Variants in DLC1 observed in about 807,000 individuals in gnomAD.
DLC1 encodes the protein DLC1 Rho GTPase activating protein, also known as rho GTPase-activating protein 7.
In DLC1, 54 loss-of-function variants were observed where a neutral mutation model predicts 140.3. The observed-to-expected ratio is 0.38, with a 90% confidence interval of 0.31 to 0.48. The LOEUF (loss-of-function observed/expected upper bound fraction) is 0.48, where lower values mean the gene tolerates loss of function less well. Ranked by LOEUF, DLC1 falls within the 20% of genes least tolerant of loss-of-function variation. The probability of loss-of-function intolerance (pLI) is 0.96; values close to 1 mark genes in which losing one functional copy is unlikely to be tolerated. For synonymous variants in DLC1, 986 were observed against 728.1 expected, an observed-to-expected ratio of 1.35 and a Z score of -5.70; for missense variants, 2,536 against 1,907.0, an observed-to-expected ratio of 1.33 and a Z score of -6.14.
At chr8:13,146,846 A>T (rs1000230990) in intron 5 of DLC1, among the ~76,000 whole-genome samples, 1 of 152,220 alleles carries the variant, frequency 6.6e-6, no homozygotes, top group Non-Finnish European at 1.5e-5. Context: ...GTTAGTGTTG[A>T]CTTGACTGGG....
intron 5 of DLC1, chr8:13,304,872 G>C (rs551505991): frequency 8.1e-6 from 8 of 990,894 alleles, no homozygotes; most frequent in Non-Finnish European, 7.2e-6. Context: ...TATGGCATCA[G>C]CTTTAAGCAT....
At chr8:13,426,039 C>G (rs1838559312) in intron 2 of DLC1, among the ~76,000 whole-genome samples, 1 of 152,116 alleles carries the variant, frequency 6.6e-6, no homozygotes, top group Admixed American at 6.6e-5. Context: ...TCTCGAACTC[C>G]TAGGTTCAGG....
chr8:13,583,371 C>G (rs1805182750), intron 1 of DLC1, among the ~76,000 whole-genome samples: 1 of 152,166 alleles, frequency 6.6e-6, no homozygotes, highest in African/African-American at 2.4e-5. Context: ...AAGCCGCTTT[C>G]TTTGCTCATC....
At chr8:13,292,376 A>G (rs941102125) in intron 5 of DLC1, among the ~76,000 whole-genome samples, 2 of 152,212 alleles carry the variant, frequency 1.3e-5, no homozygotes, top group African/African-American at 4.8e-5. Context: ...GATGAGTACC[A>G]TCTCAGAGTC....
At chr8:13,551,743 A>C (rs1370550711) in intron 1 of DLC1, among the ~76,000 whole-genome samples, 1 of 151,030 alleles carries the variant, frequency 6.6e-6, no homozygotes, top group Admixed American at 6.6e-5. Flanking sequence ...TATCTATCAA[A>C]CATATGTTTC....
chr8:13,329,359 G>A (rs537704798), intron 4 of DLC1, among the ~76,000 whole-genome samples: 7 of 152,214 alleles, frequency 4.6e-5, no homozygotes, highest in African/African-American at 1.7e-4. Flanking sequence ...ATAGAAGGGG[G>A]GTCAAGGTTG....
At chr8:13,219,207 T>C (rs565822910) in intron 5 of DLC1, among the ~76,000 whole-genome samples, 19 of 132,328 alleles carry the variant, frequency 1.4e-4, no homozygotes, top group Admixed American at 8.9e-4. Context: ...AGAATATAAT[T>C]ATATAATTAT....
intron 1 of DLC1, among the ~76,000 whole-genome samples, chr8:13,510,519 T>C (rs1802312529): frequency 6.6e-6 from 1 of 152,178 alleles, no homozygotes. Context: ...TTTGCACACA[T>C]GAAATCTCAT....
At chr8:13,213,150 T>G (rs938599943) in intron 5 of DLC1, among the ~76,000 whole-genome samples, 1 of 152,178 alleles carries the variant, frequency 6.6e-6, no homozygotes, top group African/African-American at 2.4e-5. Flanking sequence ...ACATTAAATA[T>G]ACACAGATAA....
chr8:13,300,167 C>A (rs1311895711), intron 5 of DLC1, among the ~76,000 whole-genome samples: 1 of 152,148 alleles, frequency 6.6e-6, no homozygotes, highest in African/African-American at 2.4e-5. Flanking sequence ...TCATCTTCAG[C>A]AAACTAAAGC....
At chr8:13,202,019 C>T (rs1376481688) in intron 5 of DLC1, among the ~76,000 whole-genome samples, 1 of 148,720 alleles carries the variant, frequency 6.7e-6, no homozygotes, top group East Asian at 2.0e-4. Context: ...GATCTCGGCT[C>T]ACTGCAACCT....
At chr8:13,492,892 A>G (rs1398500709) in intron 2 of DLC1, among the ~76,000 whole-genome samples, 2 of 152,204 alleles carry the variant, frequency 1.3e-5, no homozygotes, top group Admixed American at 1.3e-4. Context: ...GTTATTTATA[A>G]GGCAAAAACC....
At chr8:13,308,986 T>C (rs1832564262) in intron 4 of DLC1, among the ~76,000 whole-genome samples, 1 of 152,184 alleles carries the variant, frequency 6.6e-6, no homozygotes, top group African/African-American at 2.4e-5. Flanking sequence ...ACAGAGTAGG[T>C]GTTCATCAAC....
chr8:13,538,518 G>C (rs570965526), intron 1 of DLC1, among the ~76,000 whole-genome samples: 1 of 152,200 alleles, frequency 6.6e-6, no homozygotes, highest in East Asian at 1.9e-4. Context: ...CTTGTTCTGT[G>C]TGGCTCGGTT....
At chr8:13,264,014 AG>A (rs1830576458) in intron 5 of DLC1, among the ~76,000 whole-genome samples, 2 of 151,772 alleles carry the variant, frequency 1.3e-5, no homozygotes, top group South Asian at 4.2e-4. Flanking sequence ...TAAGTAAATT[AG>A]GGCATATTTG....
At chr8:13,355,246 G>A (rs1260430966) in intron 4 of DLC1, among the ~76,000 whole-genome samples, 1 of 152,062 alleles carries the variant, frequency 6.6e-6, no homozygotes, top group Non-Finnish European at 1.5e-5. Context: ...AACACCTAGG[G>A]GGGCTAAGGC....
chr8:13,246,124 T>G (rs534693897), intron 5 of DLC1, among the ~76,000 whole-genome samples: 1 of 152,176 alleles, frequency 6.6e-6, no homozygotes, highest in East Asian at 1.9e-4. Flanking sequence ...GGGGCTGACT[T>G]AGAGAGTCCA....
At position 13,091,410 on chromosome 8, in the gene DLC1, A is replaced by C. The variant is rs770565965; in HGVS notation, c.3763T>G (p.Leu1255Val). ...AAATCTTTCTGATCTGGTTTGCCCA[A>C]ACTTTGTTTTCTTTGCATTACCCTA... ...SPRVMQRKQS[L>V]GKPDQKDLNE... The change falls in exon 14 of 18, where the codon TTG becomes GTG. Residue 1255 changes from leucine (L) to valine (V), a missense_variant. By Grantham distance (32) the Leu-to-Val change is conservative (BLOSUM62 1). Coordinates refer to ENST00000276297, the MANE Select transcript of DLC1 (RefSeq NM_182643.3). The C allele has an allele frequency of 1.2e-6, 2 of 1,614,152 alleles. No individual in the cohort carries two copies. The highest frequency in any genetic ancestry group is 1.7e-6 in the Non-Finnish European group (2 of 1,179,996).
At chr8:13,370,661 T>G (rs1835687166) in intron 4 of DLC1, among the ~76,000 whole-genome samples, 1 of 152,248 alleles carries the variant, frequency 6.6e-6, no homozygotes, top group African/African-American at 2.4e-5. Context: ...AGGGCTCAGC[T>G]AATGTCACCA....
Sources: gnomAD v4.1 joint callset for allele counts (sites outside exome capture counted in the v4.1 genomes callset) on GRCh38, gnomAD v4.1.1 for gene constraint, MANE v1.5 for transcripts, NCBI Gene and HGNC (gene_info 2026-07-23, HGNC 2026-07-21) for gene names.